Variants in PRKCB observed in about 807,000 individuals in gnomAD.
PRKCB encodes protein kinase C beta, also known as protein kinase C beta type.
PRKCB carries 13 observed loss-of-function variants against 81.5 expected under a neutral mutation model. That is an observed-to-expected ratio of 0.16 (90% CI 0.10 to 0.25). PRKCB has a LOEUF of 0.25. Ranked by LOEUF, PRKCB falls within the 10% of genes least tolerant of loss-of-function variation. PRKCB has a pLI of 1.00. For missense variants in PRKCB, 509 were observed against 875.7 expected (o/e 0.58, Z 5.29); for synonymous variants, 335 against 321.4 (o/e 1.04, Z -0.45).
At chr16:24,089,664 A>G (rs1236913750) in intron 5 of PRKCB, among the ~76,000 whole-genome samples, 3 of 152,088 alleles carry the variant, frequency 2.0e-5, no homozygotes, top group Admixed American at 6.6e-5. Flanking sequence ...AGTCCCAGCT[A>G]CTTGGAAGGC....
intron 2 of PRKCB, among the ~76,000 whole-genome samples, chr16:23,875,506 T>TATATATA (rs1567298316): frequency 3.6e-5 from 1 of 27,810 alleles, no homozygotes; most frequent in African/African-American, 2.8e-4. Context: ...TATATATATA[T>TATATATA]GATGTATATC....
intron 3 of PRKCB, among the ~76,000 whole-genome samples, chr16:24,018,552 G>A (rs537463058): frequency 3.9e-5 from 6 of 152,368 alleles, no homozygotes; most frequent in African/African-American, 1.4e-4. Flanking sequence ...AAGCTTAGAT[G>A]TGGCTACTAA....
chr16:24,113,317 TCTTG>T (rs1966699412), intron 8 of PRKCB, among the ~76,000 whole-genome samples: 1 of 150,240 alleles, frequency 6.7e-6, no homozygotes, highest in Admixed American at 6.6e-5. Flanking sequence ...TTCCTTTCTG[TCTTG>T]CTTTCTTTCT....
chr16:24,162,599 C>T (rs1452869231), intron 10 of PRKCB, among the ~76,000 whole-genome samples: 1 of 149,388 alleles, frequency 6.7e-6, no homozygotes, highest in Non-Finnish European at 1.5e-5. Flanking sequence ...CAGGCATGCA[C>T]CACCAAGCCT....
At chr16:24,006,096 A>C (rs1048578457) in intron 3 of PRKCB, among the ~76,000 whole-genome samples, 1 of 151,920 alleles carries the variant, frequency 6.6e-6, no homozygotes, top group Non-Finnish European at 1.5e-5. Context: ...TCTCTCACTT[A>C]TCTATTATCT....
Position 24,215,997 on chromosome 16 carries a change from A to AG in PRKCB, c.*1181_*1182insG. ...GCATCGAGATACAATAAAAAAAAAA[A>AG]AAAAGAAAAGAAGAAGAAATACTAT... On this transcript the variant is annotated 3_prime_UTR_variant, in exon 17 of 17. Transcript: ENST00000643927. 4 of 984,642 alleles carry AG rather than the reference A, an allele frequency of 4.1e-6. No homozygotes were observed. The highest frequency in any genetic ancestry group is 1.1e-4 in the East Asian group (1 of 8,814). 61.0% of individuals were successfully genotyped at this position (984,642 alleles called of 1,614,324 possible). A position where few individuals can be genotyped will look rare whatever the true frequency, so the allele number is the denominator to read the frequency against.
In PRKCB at chr16:24,214,985, C is replaced by G. The variant is rs1968202111; in HGVS notation, c.*169C>G. On this transcript the variant is annotated 3_prime_UTR_variant, in exon 17 of 17. Transcript: ENST00000643927. ...TGTCCTCAGGTAGTTTGGAGCATCT[C>G]TATGAGATGGGATTATGCAGATGGC... is the stretch of plus-strand genomic sequence containing the variant. The G allele has an allele frequency of 6.9e-7, 1 of 1,441,840 alleles. No homozygotes were observed. Among genetic ancestry groups the G allele is most frequent in the South Asian group, 1.5e-5 (1 of 67,408 alleles). 89.3% of individuals were successfully genotyped at this position (1,441,840 alleles called of 1,614,324 possible). A position where few individuals can be genotyped will look rare whatever the true frequency, so the allele number is the denominator to read the frequency against.
At position 24,116,410 on chromosome 16, in the gene PRKCB, TA is replaced by T. The variant is rs547737785; in HGVS notation, c.918+3350del. Among the ~76,000 whole-genome samples, 86 of 151,004 alleles carry T rather than the reference TA, an allele frequency of 5.7e-4. 1 individual carries two copies. The highest frequency in any genetic ancestry group is 1.1e-3 in the African/African-American group (44 of 41,180). ...CCTCTATTATTAAAAAATATATATT[TA>T]AAAAAAAATAAAAAAAGAAATAGCA... On this transcript the variant is annotated intron_variant, in intron 8 of 16. Coordinates refer to ENST00000643927, the MANE Select transcript of PRKCB (RefSeq NM_002738.7).
chr16:24,130,919 T>G (rs1380371434), intron 9 of PRKCB, among the ~76,000 whole-genome samples: 1 of 152,180 alleles, frequency 6.6e-6, no homozygotes, highest in Non-Finnish European at 1.5e-5. Context: ...TCCCTACTTT[T>G]CAGTCCTGGC....
At chr16:23,918,274 C>G (rs1001050351) in intron 2 of PRKCB, among the ~76,000 whole-genome samples, 6 of 152,122 alleles carry the variant, frequency 3.9e-5, no homozygotes, top group African/African-American at 1.4e-4. Context: ...CTGTCCTTCA[C>G]AGAGTAGGTG....
intron 3 of PRKCB, among the ~76,000 whole-genome samples, chr16:24,028,090 T>C (rs11866245): frequency 0.2 from 31,097 of 152,074 alleles, 3,656 homozygotes; most frequent in South Asian, 0.37. Context: ...TCACTTTTTT[T>C]CTTTTTTCTT....
chr16:23,865,316 T>A (rs1962753893), intron 2 of PRKCB, among the ~76,000 whole-genome samples: 1 of 148,110 alleles, frequency 6.8e-6, no homozygotes, highest in Non-Finnish European at 1.5e-5. Context: ...TGTTTGTTTG[T>A]TTTTTGGACA....
chr16:24,206,785 C>T lies in PRKCB; in HGVS notation c.1864-7873C>T, dbSNP rs986439789. 3.9e-5 allele frequency among the ~76,000 whole-genome samples: 6 copies of T among 152,214 alleles called. No individual in the cohort carries two copies. In the East Asian group the frequency reaches 5.8e-4, roughly 15 times the overall value. ...GTCCTCTGCTAGATCTTAAGCTCAA[C>T]GGGGACAAGAACAGGTACCCTCTTA... On this transcript the variant is annotated intron_variant, in intron 16 of 16. Transcript: ENST00000643927.
intron 2 of PRKCB, chr16:23,962,934 A>G (rs1406310375): frequency 2.0e-5 from 3 of 152,110 alleles, no homozygotes; most frequent in East Asian, 3.9e-4. Context: ...AGTCCATTAT[A>G]TCACTCTTAT....
chr16:24,143,160 T>A (rs1966928339), intron 9 of PRKCB, among the ~76,000 whole-genome samples: 1 of 152,050 alleles, frequency 6.6e-6, no homozygotes, highest in African/African-American at 2.4e-5. Context: ...TGAGATGGAG[T>A]CTCACTCTGT....
At chr16:24,076,748 G>A (rs9938175) in intron 5 of PRKCB, among the ~76,000 whole-genome samples, 1 of 152,138 alleles carries the variant, frequency 6.6e-6, no homozygotes, top group Non-Finnish European at 1.5e-5. Flanking sequence ...TCAGGGAGCC[G>A]GAGTATAGCA....
Position 23,868,356 on chromosome 16 carries a change from C to G in PRKCB, c.205+30950C>G, listed in dbSNP as rs114956288. On this transcript the variant is annotated intron_variant, in intron 2 of 16. Coordinates refer to ENST00000643927, the MANE Select transcript of PRKCB (RefSeq NM_002738.7). The stretch of plus-strand genomic sequence containing the variant: ...GCAAGGACTTCCCTATTCTGAGTGC[C>G]AAATGTCAATTTGAAATACTTGAAC... Among the ~76,000 whole-genome samples, 1,084 of 152,274 alleles carry G rather than the reference C, an allele frequency of 7.1e-3. 10 individuals carry two copies. The highest frequency in any genetic ancestry group is 0.014 in the Middle Eastern group (4 of 294).
intron 16 of PRKCB, among the ~76,000 whole-genome samples, chr16:24,193,778 T>G (rs1967835318): frequency 6.6e-6 from 1 of 151,976 alleles, no homozygotes; most frequent in Non-Finnish European, 1.5e-5. Flanking sequence ...GTGTTGGAGA[T>G]CGATGCAAGC....
chr16:24,151,912 C>T (rs902691376), intron 9 of PRKCB: 1 of 454,620 alleles, frequency 2.2e-6, no homozygotes, highest in Non-Finnish European at 4.4e-6. Flanking sequence ...GGGAAATTCC[C>T]AGCCATTCTG....
Sources: allele counts gnomAD v4.1 joint callset (sites outside exome capture counted in the v4.1 genomes callset), GRCh38; gene constraint gnomAD v4.1.1; transcripts MANE v1.5; gene names NCBI Gene and HGNC (gene_info 2026-07-23, HGNC 2026-07-21).